RYR2: variants seen among roughly 807,000 people sequenced by gnomAD.
The protein encoded by RYR2 is ryanodine receptor 2.
RYR2 carries 227 observed loss-of-function variants against 601.1 expected under a neutral mutation model. That is an observed-to-expected ratio of 0.38 (90% CI 0.34 to 0.42). The LOEUF (loss-of-function observed/expected upper bound fraction) is 0.42, where lower values mean the gene tolerates loss of function less well. Ranked by LOEUF, RYR2 falls within the 10% of genes least tolerant of loss-of-function variation. The pLI, the probability that RYR2 is intolerant of heterozygous loss-of-function variation, is 1.00. For missense variants in RYR2, 4,646 were observed against 6,156.5 expected, an observed-to-expected ratio of 0.75 and a Z score of 8.21; for synonymous variants, 2,223 against 2,175.1, an observed-to-expected ratio of 1.02 and a Z score of -0.61.
chr1:237,643,191 G>A (rs1432421608), intron 47 of RYR2, 136 bp from the exon 48 acceptor site: 52 of 1,036,464 alleles, frequency 5.0e-5, no homozygotes, highest in Non-Finnish European at 6.8e-5. Context: ...AACTATTTCT[G>A]AGAGAGGCAT....
At chr1:237,404,985 G>T (rs536932114) in intron 10 of RYR2, among the ~76,000 whole-genome samples, 1 of 152,302 alleles carries the variant, frequency 6.6e-6, no homozygotes, top group South Asian at 2.1e-4. Flanking sequence ...TGAGCTCCAG[G>T]TGGGAACCCA....
At chr1:237,383,590 C>T (rs757596838) in intron 8 of RYR2, among the ~76,000 whole-genome samples, 2 of 151,594 alleles carry the variant, frequency 1.3e-5, no homozygotes, top group African/African-American at 2.4e-5. Context: ...CCACCACACC[C>T]GGATAATTTT....
chr1:237,072,155 C>T (rs982782915), intron 1 of RYR2, among the ~76,000 whole-genome samples: 1 of 152,184 alleles, frequency 6.6e-6, no homozygotes, highest in Non-Finnish European at 1.5e-5. Context: ...CTCAGCAGGG[C>T]ACGGGGGTCC....
intron 27 of RYR2, among the ~76,000 whole-genome samples, chr1:237,553,782 T>C (rs1670628988): frequency 6.6e-6 from 1 of 151,942 alleles, no homozygotes; most frequent in African/African-American, 2.4e-5. Flanking sequence ...TTTTTGATAC[T>C]ATTAAATGAA....
rs553266739 is a variant in RYR2, at chr1:237,207,124, C to T, written c.49-63373C>T. The stretch of plus-strand genomic sequence containing the variant: ...AGGAGTTTGAGACCAGCCTGGACAA[C>T]AGTGAAAACCTGTCTCTACCAAAAA... On this transcript the variant is annotated intron_variant, in intron 1 of 104. Transcript: ENST00000366574. Among the ~76,000 whole-genome samples the T allele has an allele frequency of 6.6e-4, 95 of 143,636 alleles. 1 individual carries two copies. Among genetic ancestry groups the T allele is most frequent in the African/African-American group, 2.2e-3 (87 of 38,678 alleles). 94.2% of individuals were successfully genotyped at this position (143,636 alleles called of 152,430 possible). A position where few individuals can be genotyped will look rare whatever the true frequency, so the allele number is the denominator to read the frequency against.
chr1:237,825,502 AC>A (rs1181129631), intron 101 of RYR2, among the ~76,000 whole-genome samples: 1 of 152,188 alleles, frequency 6.6e-6, no homozygotes. Flanking sequence ...TACACCTTAT[AC>A]AAAAATTGAC....
intron 12 of RYR2, among the ~76,000 whole-genome samples, chr1:237,433,985 T>C (rs1707101662): frequency 6.6e-6 from 1 of 152,208 alleles, no homozygotes; most frequent in South Asian, 2.1e-4. Context: ...TTATTACTGA[T>C]GGAAAATCAA....
chr1:237,087,279 T>C (rs1198820657), intron 1 of RYR2, among the ~76,000 whole-genome samples: 1 of 152,154 alleles, frequency 6.6e-6, no homozygotes, highest in African/African-American at 2.4e-5. Context: ...CGTGTGTGTT[T>C]GTAGCAACTC....
intron 1 of RYR2, among the ~76,000 whole-genome samples, chr1:237,113,231 C>T (rs964329257): frequency 6.6e-6 from 1 of 152,000 alleles, no homozygotes; most frequent in Non-Finnish European, 1.5e-5. Context: ...TGGAATCTCA[C>T]TCTGTCGCCC....
rs527441627 is a variant in RYR2 at position 237,234,757 on chromosome 1, CT to C, written c.49-35734del. ...GATATGTAGAAATTAAGGTATAATA[CT>C]TTTTTAAATTGTTCTTTCATTTAGC... On this transcript the variant is annotated intron_variant, in intron 1 of 104. Coordinates refer to ENST00000366574, the MANE Select transcript of RYR2 (RefSeq NM_001035.3). Among the ~76,000 whole-genome samples, 269 of 152,208 alleles carry C rather than the reference CT, an allele frequency of 1.8e-3. 1 individual carries two copies. The highest frequency in any genetic ancestry group is 6.1e-3 in the African/African-American group (254 of 41,516).
intron 42 of RYR2, among the ~76,000 whole-genome samples, 157 bp downstream of exon 42, chr1:237,631,698 G>T (rs1680299547): frequency 7.4e-6 from 1 of 134,856 alleles, no homozygotes; most frequent in African/African-American, 2.8e-5. Flanking sequence ...CACGATCTCG[G>T]CTCACTGCAA....
intron 2 of RYR2, among the ~76,000 whole-genome samples, chr1:237,302,793 A>G (rs955173671): frequency 1.3e-5 from 2 of 152,216 alleles, no homozygotes; most frequent in Non-Finnish European, 1.5e-5. Flanking sequence ...GTGAATATTC[A>G]TATATGAAAT....
intron 20 of RYR2, among the ~76,000 whole-genome samples, chr1:237,499,007 G>C (rs962490067): frequency 1.3e-5 from 2 of 151,904 alleles, no homozygotes; most frequent in Non-Finnish European, 2.9e-5. Context: ...AAATTAGTTG[G>C]AATGTGAGTT....
chr1:237,487,940 C>T (rs567198193), intron 17 of RYR2, among the ~76,000 whole-genome samples: 2 of 152,020 alleles, frequency 1.3e-5, no homozygotes, highest in Admixed American at 6.6e-5. Context: ...AACAAAGAAA[C>T]TGTTTTAATG....
chr1:237,047,613 C>A (rs1013695900), intron 1 of RYR2, among the ~76,000 whole-genome samples: 1 of 152,118 alleles, frequency 6.6e-6, no homozygotes, highest in African/African-American at 2.4e-5. Flanking sequence ...GCCAGTAACT[C>A]CCTCCTTGCC....
chr1:237,350,629 A>ATC (rs1698752113), intron 3 of RYR2, among the ~76,000 whole-genome samples: 4 of 122,470 alleles, frequency 3.3e-5, no homozygotes, highest in African/African-American at 1.2e-4. Context: ...ATATATATAT[A>ATC]TATATCTCTG....
intron 1 of RYR2, among the ~76,000 whole-genome samples, chr1:237,154,110 A>C (rs1675039603): frequency 6.6e-6 from 1 of 152,216 alleles, no homozygotes; most frequent in Non-Finnish European, 1.5e-5. Flanking sequence ...AACATTGCTA[A>C]CTTCCAGTGA....
At chr1:237,444,937 C>T (rs951287132) in intron 13 of RYR2, among the ~76,000 whole-genome samples, 3 of 152,166 alleles carry the variant, frequency 2.0e-5, no homozygotes, top group Admixed American at 6.5e-5. Flanking sequence ...GCAACGTTAG[C>T]TTTGCTGCTT....
chr1:237,235,897 A>G (rs1041535527), intron 1 of RYR2, among the ~76,000 whole-genome samples: 1 of 152,198 alleles, frequency 6.6e-6, no homozygotes, highest in African/African-American at 2.4e-5. Context: ...GGAGGTTAGC[A>G]TTGAAAACAA....
Sources: gnomAD v4.1 joint callset for allele counts (sites outside exome capture counted in the v4.1 genomes callset) on GRCh38, gnomAD v4.1.1 for gene constraint, MANE v1.5 for transcripts, NCBI Gene and HGNC (gene_info 2026-07-23, HGNC 2026-07-21) for gene names.